ABCC5: variants seen among roughly 807,000 people sequenced by gnomAD.
The protein encoded by ABCC5 is ATP-binding cassette sub-family C member 5.
ABCC5 carries 61 observed loss-of-function variants against 160.9 expected under a neutral mutation model. That is an observed-to-expected ratio of 0.38 (90% CI 0.31 to 0.47). The LOEUF is 0.47. ABCC5 is among the 20% of genes least tolerant of loss of function. The probability of loss-of-function intolerance (pLI) is 0.99; values close to 1 mark genes in which losing one functional copy is unlikely to be tolerated. For missense variants in ABCC5, 1,308 were observed against 1,813.3 expected (o/e 0.72, Z 5.06); for synonymous variants, 666 against 700.6 (o/e 0.95, Z 0.78).
intron 18 of ABCC5, 113 bp downstream of exon 18, chr3:183,952,971 CTT>C: frequency 8.1e-7 from 1 of 1,241,620 alleles, no homozygotes; most frequent in South Asian, 1.5e-5. Flanking sequence ...AAAAATCTCT[CTT>C]TACAGCTTCT....
rs1577512308 is a variant in ABCC5, at chr3:183,954,228, A to G, written c.2483-958T>C. 2.0e-5 allele frequency among the ~76,000 whole-genome samples: 3 copies of G among 151,920 alleles called. No individual in the cohort carries two copies. In the East Asian group the frequency reaches 5.8e-4, roughly 29 times the overall value. ...AGTGGCGTGATCTCAGCTCACTGCA[A>G]CCTCCGCCTTCCCGGGTTCAAGCAA... On this transcript the variant is annotated intron_variant, in intron 17 of 29. Transcript: ENST00000334444.
chr3:183,954,558 G>A (rs1715690455), intron 17 of ABCC5, among the ~76,000 whole-genome samples: 1 of 152,220 alleles, frequency 6.6e-6, no homozygotes, highest in Non-Finnish European at 1.5e-5. Context: ...AACTGGGGTT[G>A]TGATGGTGGG....
Position 183,978,667 on chromosome 3 carries a change from A to C in ABCC5, c.1148-16T>G. The C allele has an allele frequency of 6.2e-7, 1 of 1,611,230 alleles. No individual in the cohort carries two copies. Among genetic ancestry groups the C allele is most frequent in the Non-Finnish European group, 8.5e-7 (1 of 1,178,598 alleles). On this transcript the variant is annotated splice_polypyrimidine_tract_variant and intron_variant, in intron 8 of 29. Coordinates refer to ENST00000334444, the MANE Select transcript of ABCC5 (RefSeq NM_005688.4). Reference sequence around the variant, plus strand: ...TCGCGGATTTCTATGAATAAAAAGCAAGCCAATTTCAAAGCAAGTTAAAAG... The same window carrying C: ...TCGCGGATTTCTATGAATAAAAAGCCAGCCAATTTCAAAGCAAGTTAAAAG...
Position 183,961,397 on chromosome 3 carries a change from C to G in ABCC5, c.2379+114G>C, listed in dbSNP as rs550967375. The stretch of plus-strand genomic sequence containing the variant: ...AGTCTGTTCACCAGAAAACAGGGCC[C>G]CTGCCAATAAGACACAGACACTGGA... On this transcript the variant is annotated intron_variant, in intron 16 of 29. Transcript: ENST00000334444. The G allele has an allele frequency of 6.9e-5, 92 of 1,336,176 alleles. No individual in the cohort carries two copies. The South Asian group carries it at 1.3e-3, about 19-fold the overall frequency. The allele number at this position is 1,336,176 out of a possible 1,614,324, so 82.8% of individuals were successfully genotyped here.
chr3:183,961,931 C>CA (rs1312059662), intron 15 of ABCC5, among the ~76,000 whole-genome samples: 1 of 152,192 alleles, frequency 6.6e-6, no homozygotes, highest in Non-Finnish European at 1.5e-5. Context: ...AGGCATGCAG[C>CA]ACCATGTCTG....
At position 183,949,167 on chromosome 3, in the gene ABCC5, A is replaced by G. The variant is rs368133243; in HGVS notation, c.3227+586T>C. Among the ~76,000 whole-genome samples, 9 of 152,356 alleles carry G rather than the reference A, an allele frequency of 5.9e-5. No individual in the cohort carries two copies. Among genetic ancestry groups the G allele is most frequent in the Admixed American group, 2.6e-4 (4 of 15,294 alleles). The stretch of plus-strand genomic sequence containing the variant: ...CTTTTTAAGGGCCACATAGTACTCT[A>G]TGGATATACCATAGCTTATTCAACC... On this transcript the variant is annotated intron_variant, in intron 22 of 29. Transcript: ENST00000334444. The surrounding 1 kb of genome is among the most constrained non-coding windows in gnomAD (Gnocchi z 4.2).
rs139413156 is a variant in ABCC5 at position 183,976,300 on chromosome 3, G to C, written c.1404+1217C>G. ...ATAAGAGTCTCATTCTGTTGCCCAG[G>C]CTGGAGTGCAGTGCCATGATCATAA... On this transcript the variant is annotated intron_variant, in intron 10 of 29. Transcript: ENST00000334444. Among the ~76,000 whole-genome samples, 763 of 151,706 alleles carry C rather than the reference G, an allele frequency of 5.0e-3. 11 individuals carry two copies. Among genetic ancestry groups the C allele is most frequent in the African/African-American group, 0.017 (714 of 41,064 alleles).
Position 183,965,358 on chromosome 3 carries a change from G to A in ABCC5, c.1958+19C>T, listed in dbSNP as rs1577548248. 4 of 1,614,198 alleles carry A rather than the reference G, an allele frequency of 2.5e-6. No individual in the cohort carries two copies. In the East Asian group the frequency reaches 8.9e-5, roughly 36 times the overall value. On this transcript the variant is annotated intron_variant, in intron 13 of 29. Coordinates refer to ENST00000334444, the MANE Select transcript of ABCC5 (RefSeq NM_005688.4). ...CGCGGCCAAGATGGAAAGCATGACA[G>A]AAGCCAAACATTCCTTGCCTTTCTT...
chr3:183,928,922 G>T, intron 26 of ABCC5, 97 bp from the exon 27 acceptor site: 1 of 965,984 alleles, frequency 1.0e-6, no homozygotes, highest in South Asian at 1.4e-5. Context: ...TGCATAGGGA[G>T]AGAAGACTCC....
At chr3:183,989,425 A>G (rs751269101) in intron 2 of ABCC5, 42 bp from the exon 3 acceptor site, 3 of 1,605,872 alleles carry the variant, frequency 1.9e-6, no homozygotes, top group Non-Finnish European at 2.6e-6. Flanking sequence ...CACAGTTAAT[A>G]CACAGGCGAG....
At chr3:183,956,709 A>G (rs377077398) in intron 17 of ABCC5, among the ~76,000 whole-genome samples, 138 of 54,302 alleles carry the variant, frequency 2.5e-3, no homozygotes, top group South Asian at 7.5e-3. Context: ...TGTATATCAT[A>G]TAGGTTACAT....
intron 17 of ABCC5, among the ~76,000 whole-genome samples, chr3:183,955,397 A>G (rs1036840912): frequency 6.6e-6 from 1 of 152,202 alleles, no homozygotes; most frequent in Non-Finnish European, 1.5e-5. Flanking sequence ...CCTGAACTCT[A>G]AAGGCAGGGG....
intron 2 of ABCC5, chr3:184,010,754 T>C (rs939557087): frequency 2.6e-5 from 4 of 152,310 alleles, no homozygotes; most frequent in African/African-American, 9.7e-5. Flanking sequence ...TTTACCCATA[T>C]GCACTTCAAA....
chr3:183,931,213 A>C (rs186784795), intron 26 of ABCC5, among the ~76,000 whole-genome samples: 36 of 152,326 alleles, frequency 2.4e-4, no homozygotes, highest in Admixed American at 7.8e-4. Flanking sequence ...AAACTGCAGA[A>C]AGTGAAACCA....
intron 12 of ABCC5, 32 bp from the exon 13 acceptor site, chr3:183,965,533 T>G (rs768758089): frequency 6.8e-6 from 11 of 1,612,850 alleles, no homozygotes; most frequent in Non-Finnish European, 8.5e-6. Flanking sequence ...AATGGCATCA[T>G]AACTCAAAAC....
At chr3:183,995,101 C>T (rs1720158785) in intron 2 of ABCC5, among the ~76,000 whole-genome samples, 1 of 152,098 alleles carries the variant, frequency 6.6e-6, no homozygotes, top group Non-Finnish European at 1.5e-5. Flanking sequence ...CCACCTTGAC[C>T]TCCCAAAGTG....
chr3:183,939,608 T>C (rs533423253), intron 25 of ABCC5, among the ~76,000 whole-genome samples: 2 of 152,364 alleles, frequency 1.3e-5, no homozygotes, highest in African/African-American at 4.8e-5. Flanking sequence ...TGTCCTATTA[T>C]CTTAGTGCTG....
In ABCC5 at chr3:183,978,476, G is replaced by T. The variant is rs762175736; in HGVS notation, c.1296+27C>A. 4 of 1,596,430 alleles carry T rather than the reference G, an allele frequency of 2.5e-6. No individual in the cohort carries two copies. The African/African-American group carries it at 5.4e-5, about 22-fold the overall frequency. On this transcript the variant is annotated intron_variant, in intron 9 of 29. Coordinates refer to ENST00000334444, the MANE Select transcript of ABCC5 (RefSeq NM_005688.4). ...CCAGCAAATGTGGTATTTCTAAAAT[G>T]TTCCCCATCCCTGAGGGTTCCCTGA...
intron 2 of ABCC5, chr3:184,010,044 C>T (rs551315306): frequency 1.3e-5 from 5 of 385,150 alleles, no homozygotes; most frequent in African/African-American, 2.1e-5. Flanking sequence ...TGGTGGCTGA[C>T]GCCTGTAATC....
Sources: allele counts gnomAD v4.1 joint callset (sites outside exome capture counted in the v4.1 genomes callset), GRCh38; gene constraint gnomAD v4.1.1; non-coding constraint Gnocchi (gnomAD v3.1); transcripts MANE v1.5; gene names NCBI Gene and HGNC (gene_info 2026-07-23, HGNC 2026-07-21).